Variants in GDA observed in about 807,000 individuals in gnomAD.
GDA encodes the protein cytoplasmic PSD-95 interactor.
GDA carries 18 observed loss-of-function variants against 59.6 expected under a neutral mutation model. That is an observed-to-expected ratio of 0.30 (90% CI 0.21 to 0.45). GDA has a LOEUF of 0.45. Among genes scored for constraint, GDA ranks in the 20% least tolerant of loss-of-function variants. The pLI is 1.00. For missense variants in GDA, 427 were observed against 552.3 expected, an observed-to-expected ratio of 0.77 and a Z score of 2.27; for synonymous variants, 201 against 201.1, an observed-to-expected ratio of 1.00 and a Z score of 0.00.
rs913162210 is a variant in GDA at position 72,245,178 on chromosome 9, T to C, written c.1166T>C (p.Phe389Ser). 6.2e-7 allele frequency: 1 copy of C among 1,613,680 alleles called. No homozygotes were observed. The highest frequency in any genetic ancestry group is 1.3e-5 in the African/African-American group (1 of 74,910). The part of the protein sequence containing the change: ...ALGLDGEIGN[F>S]EVGKEFDAIL... The stretch of plus-strand genomic sequence containing the variant: ...GGGCTGGATGGTGAGATTGGAAACT[T>C]TGAAGTGGGCAAGGAATTTGATGCC... The change falls in exon 12 of 14, where the codon TTT becomes TCT. Residue 389 changes from phenylalanine (F) to serine (S), a missense_variant. Physicochemically the swap from Phe to Ser is radical, Grantham distance 155. Transcript: ENST00000358399.
rs979920202 is a variant in GDA, at chr9:72,249,633, T to C, written c.*1291T>C. 1.5e-6 allele frequency: 1 copy of C among 648,892 alleles called. No homozygotes were observed. Among genetic ancestry groups the C allele is most frequent in the Non-Finnish European group, 1.9e-6 (1 of 523,082 alleles). 40.2% of individuals were successfully genotyped at this position (648,892 alleles called of 1,614,324 possible). A position where few individuals can be genotyped will look rare whatever the true frequency, so the allele number is the denominator to read the frequency against. ...GAATTAAAACCAAATTATGACCTTATGATAAATCTTTAAGTATTGGTGTGA... is the reference window on the plus strand; with the variant it reads ...GAATTAAAACCAAATTATGACCTTACGATAAATCTTTAAGTATTGGTGTGA... On this transcript the variant is annotated 3_prime_UTR_variant, in exon 14 of 14. Coordinates refer to ENST00000358399, the MANE Select transcript of GDA (RefSeq NM_004293.5).
chr9:72,236,595 A>T (rs11143187), intron 10 of GDA, among the ~76,000 whole-genome samples: 36,091 of 151,886 alleles, frequency 0.24, 5,229 homozygotes, highest in East Asian at 0.53. Context: ...TCAAAGGCAA[A>T]AATACCAAAA....
intron 1 of GDA, among the ~76,000 whole-genome samples, chr9:72,157,573 A>T (rs1321394386): frequency 6.6e-6 from 1 of 152,162 alleles, no homozygotes; most frequent in African/African-American, 2.4e-5. Context: ...GTGCATATTC[A>T]CTTCCATTGC....
Position 72,248,729 on chromosome 9 carries a change from G to C in GDA, c.*387G>C. 9.9e-7 allele frequency: 1 copy of C among 1,006,714 alleles called. No homozygotes were observed. Among genetic ancestry groups the C allele is most frequent in the Non-Finnish European group, 1.2e-6 (1 of 840,996 alleles). 62.4% of individuals were successfully genotyped at this position (1,006,714 alleles called of 1,614,324 possible). A position where few individuals can be genotyped will look rare whatever the true frequency, so the allele number is the denominator to read the frequency against. On this transcript the variant is annotated 3_prime_UTR_variant, in exon 14 of 14. Transcript: ENST00000358399. ...TTTGAGCTAATAATTGCAAAAATTA[G>C]AAGACTGAAAATGGACCCATGAGAG...
chr9:72,140,458 C>T (rs1826401356), intron 1 of GDA, among the ~76,000 whole-genome samples: 1 of 152,138 alleles, frequency 6.6e-6, no homozygotes, highest in South Asian at 2.1e-4. Flanking sequence ...CAAAGCTGCG[C>T]TGCCAGAAAG....
At chr9:72,246,775 C>T (rs923804948) in intron 12 of GDA, among the ~76,000 whole-genome samples, 23 of 152,072 alleles carry the variant, frequency 1.5e-4, no homozygotes, top group Admixed American at 7.2e-4. Context: ...TTGAGGGTAG[C>T]GTGTCCTGAC....
chr9:72,243,050 A>T (rs1333720716), intron 11 of GDA, among the ~76,000 whole-genome samples: 1 of 152,138 alleles, frequency 6.6e-6, no homozygotes, highest in African/African-American at 2.4e-5. Flanking sequence ...TTTCTCTACT[A>T]TAGTCAGAGT....
chr9:72,258,731 G>C (rs1371016178), downstream of GDA, among the ~76,000 whole-genome samples: 3 of 152,196 alleles, frequency 2.0e-5, no homozygotes, highest in African/African-American at 7.2e-5. Context: ...AGTGGACAGA[G>C]GTCCTGTGAC....
At chr9:72,178,552 G>A (rs1014731866) in intron 1 of GDA, among the ~76,000 whole-genome samples, 3 of 151,858 alleles carry the variant, frequency 2.0e-5, no homozygotes, top group African/African-American at 7.3e-5. Flanking sequence ...CGAGTAGCTG[G>A]GATTACAGGC....
chr9:72,177,731 T>G (rs1587491925), intron 1 of GDA, among the ~76,000 whole-genome samples: 2 of 152,248 alleles, frequency 1.3e-5, no homozygotes, highest in Admixed American at 1.3e-4. Context: ...TTATATCCTT[T>G]GAGCTTTCAG....
chr9:72,249,351 A>G lies in GDA; in HGVS notation c.*1009A>G, dbSNP rs1840466219. ...TTCCATACTCAGATATCAGTCTGCT[A>G]GAACTTTAAAATGAAGGACAAATCC... is the stretch of plus-strand genomic sequence containing the variant. On this transcript the variant is annotated 3_prime_UTR_variant, in exon 14 of 14. Coordinates refer to ENST00000358399, the MANE Select transcript of GDA (RefSeq NM_004293.5). The G allele has an allele frequency of 3.1e-6, 3 of 976,158 alleles. No individual in the cohort carries two copies. The highest frequency in any genetic ancestry group is 9.5e-5 in the South Asian group (2 of 21,108). The allele number at this position is 976,158 out of a possible 1,614,324, so 60.5% of individuals were successfully genotyped here. A position where few individuals can be genotyped will look rare whatever the true frequency, so the allele number is the denominator to read the frequency against.
intron 2 of GDA, among the ~76,000 whole-genome samples, chr9:72,195,829 G>A (rs1418723941): frequency 6.6e-6 from 1 of 152,188 alleles, no homozygotes; most frequent in Non-Finnish European, 1.5e-5. Flanking sequence ...TATTTGTTGA[G>A]CATGCTATGT....
rs180914613 is a variant in GDA at position 72,235,258 on chromosome 9, C to T, written c.988+4077C>T. ...GTTTCCCTCAGGCTGGAAAGAGGTT[C>T]CTGGGACCGAAATACATGGCACTTA... On this transcript the variant is annotated intron_variant, in intron 10 of 13. Transcript: ENST00000358399. Among the ~76,000 whole-genome samples, 451 of 152,240 alleles carry T rather than the reference C, an allele frequency of 3.0e-3. 4 individuals carry two copies. Among genetic ancestry groups the T allele is most frequent in the Non-Finnish European group, 2.1e-3 (140 of 68,018 alleles).
chr9:72,230,397 GAATC>G (rs1450856591), intron 9 of GDA, among the ~76,000 whole-genome samples: 194 of 151,908 alleles, frequency 1.3e-3, no homozygotes, highest in African/African-American at 4.5e-3. Flanking sequence ...TGATGTAGGA[GAATC>G]GCTTGAACCT....
chr9:72,223,396 T>C (rs1418208086), intron 7 of GDA, among the ~76,000 whole-genome samples, 169 bp downstream of exon 7: 1 of 152,198 alleles, frequency 6.6e-6, no homozygotes, highest in Non-Finnish European at 1.5e-5. Context: ...CCTGTAGATA[T>C]CACCTAATCC....
chr9:72,225,968 CTTAAA>C (rs1207965510), intron 8 of GDA, among the ~76,000 whole-genome samples, 184 bp downstream of exon 8: 1 of 149,762 alleles, frequency 6.7e-6, no homozygotes, highest in African/African-American at 2.5e-5. Context: ...GTATACATTT[CTTAAA>C]TTAGAGTAAA....
At position 72,248,410 on chromosome 9, in the gene GDA, G is replaced by T; in HGVS notation, c.*68G>T. On this transcript the variant is annotated 3_prime_UTR_variant, in exon 14 of 14. Coordinates refer to ENST00000358399, the MANE Select transcript of GDA (RefSeq NM_004293.5). ...TCTGCATCTCCCTTGTGCCCAGGTG[G>T]AGTTAGAAAGTCAAAAAATAGTACC... The T allele has an allele frequency of 1.9e-6, 3 of 1,605,762 alleles. No individual in the cohort carries two copies. The South Asian group carries it at 3.4e-5, about 18-fold the overall frequency.
At position 72,151,502 on chromosome 9, in the gene GDA, ATAT is replaced by A. The variant is rs530584770; in HGVS notation, c.123+1825_123+1827del. Among the ~76,000 whole-genome samples, 43 of 152,204 alleles carry A rather than the reference ATAT, an allele frequency of 2.8e-4. 1 individual carries two copies. The East Asian group carries it at 8.1e-3, about 29-fold the overall frequency. The stretch of plus-strand genomic sequence containing the variant: ...TACTTTTAGAGTTGCTGGGATAAAT[ATAT>A]TATTTATTTAAACATTTCAAGGTTC... On this transcript the variant is annotated intron_variant, in intron 1 of 13. Transcript: ENST00000358399.
intron 1 of GDA, among the ~76,000 whole-genome samples, chr9:72,124,794 G>T (rs896939855): frequency 6.6e-6 from 1 of 152,072 alleles, no homozygotes; most frequent in Non-Finnish European, 1.5e-5. Flanking sequence ...ATTTTTAGTA[G>T]AGATGGGGTT....
Sources: gnomAD v4.1 joint callset for allele counts (sites outside exome capture counted in the v4.1 genomes callset) on GRCh38, gnomAD v4.1.1 for gene constraint, MANE v1.5 for transcripts, NCBI Gene and HGNC (gene_info 2026-07-23, HGNC 2026-07-21) for gene names.